The following CDH22 variants were observed in gnomAD, a reference collection of about 807,000 sequenced individuals.
CDH22 encodes cadherin-22.
CDH22 carries 30 observed loss-of-function variants against 58.4 expected under a neutral mutation model. That is an observed-to-expected ratio of 0.51 (90% CI 0.38 to 0.70). The LOEUF is 0.70. CDH22 is among the 30% of genes least tolerant of loss of function. CDH22 has a pLI of 0.00. For synonymous variants in CDH22, 513 were observed against 558.2 expected, an observed-to-expected ratio of 0.92 and a Z score of 1.14; for missense variants, 1,014 against 1,233.9, an observed-to-expected ratio of 0.82 and a Z score of 2.67.
intron 1 of CDH22, among the ~76,000 whole-genome samples, chr20:46,299,980 C>T (rs1032173095): frequency 6.6e-6 from 1 of 152,140 alleles, no homozygotes; most frequent in Non-Finnish European, 1.5e-5. Context: ...ACTCCCTTCT[C>T]TTCAAGCCAT....
chr20:46,224,585 C>T lies in CDH22; in HGVS notation c.670+2923G>A, dbSNP rs145978235. 1.1e-3 allele frequency among the ~76,000 whole-genome samples: 163 copies of T among 152,332 alleles called. 2 individuals carry two copies. Among genetic ancestry groups the T allele is most frequent in the African/African-American group, 3.8e-3 (159 of 41,586 alleles). On this transcript the variant is annotated intron_variant, in intron 4 of 11. Transcript: ENST00000537909. ...ATATGGTTAAAGCTGAATTTTTTAG[C>T]TCTGCATCAGATTCCAGGGCACATT...
intron 4 of CDH22, among the ~76,000 whole-genome samples, chr20:46,224,096 A>C (rs906478461): frequency 3.3e-5 from 5 of 152,024 alleles, no homozygotes; most frequent in Non-Finnish European, 5.9e-5. Flanking sequence ...CAAGTGATCC[A>C]CCCGCTTCGG....
At position 46,216,776 on chromosome 20, in the gene CDH22, G is replaced by C. The variant is rs755575941; in HGVS notation, c.838+50C>G. 4 of 1,550,958 alleles carry C rather than the reference G, an allele frequency of 2.6e-6. No individual in the cohort carries two copies. Among genetic ancestry groups the C allele is most frequent in the Non-Finnish European group, 3.5e-6 (4 of 1,130,058 alleles). On this transcript the variant is annotated intron_variant, in intron 5 of 11. Coordinates refer to ENST00000537909, the MANE Select transcript of CDH22 (RefSeq NM_021248.3). This position sits in a 1 kb window ranked among gnomAD's most constrained non-coding sequence, Gnocchi z 5.3. Reference sequence around the variant, plus strand: ...GGGGTCAGCAGGTGGCTTGGATGGGGTAACAGACAGACACACAGACGCGCC... The same window carrying C: ...GGGGTCAGCAGGTGGCTTGGATGGGCTAACAGACAGACACACAGACGCGCC...
At chr20:46,272,885 A>C (rs1017425938) in intron 1 of CDH22, among the ~76,000 whole-genome samples, 1 of 152,142 alleles carries the variant, frequency 6.6e-6, no homozygotes, top group Non-Finnish European at 1.5e-5. Context: ...CTTGAATTTT[A>C]TTTTAAGGAA....
intron 1 of CDH22, among the ~76,000 whole-genome samples, chr20:46,263,406 C>CTGTG (rs3081942): frequency 0.091 from 13,717 of 150,294 alleles, 819 homozygotes; most frequent in African/African-American, 0.17. Context: ...GCCTTCCATT[C>CTGTG]TGTGTGTGTG....
At chr20:46,277,339 C>T (rs776815670) in intron 1 of CDH22, among the ~76,000 whole-genome samples, 31 of 152,088 alleles carry the variant, frequency 2.0e-4, no homozygotes, top group Non-Finnish European at 3.7e-4. Context: ...TGGAGAGCAG[C>T]GGGCCAGGTT....
intron 3 of CDH22, among the ~76,000 whole-genome samples, chr20:46,236,874 A>G (rs2086257256): frequency 6.6e-6 from 1 of 151,908 alleles, no homozygotes; most frequent in Non-Finnish European, 1.5e-5. Flanking sequence ...TTCGTATTTT[A>G]GTAGAGACGG....
intron 1 of CDH22, among the ~76,000 whole-genome samples, chr20:46,257,629 A>G (rs2086412865): frequency 6.6e-6 from 1 of 152,188 alleles, no homozygotes; most frequent in African/African-American, 2.4e-5. Context: ...ATGTGTTACA[A>G]TCAGTTTTTG....
At chr20:46,258,506 A>G (rs1032071838) in intron 1 of CDH22, among the ~76,000 whole-genome samples, 5 of 152,186 alleles carry the variant, frequency 3.3e-5, no homozygotes, top group African/African-American at 1.2e-4. Flanking sequence ...GACGGAGCCA[A>G]CACCATTTGC....
At chr20:46,187,589 C>T (rs2085835676) in intron 8 of CDH22, among the ~76,000 whole-genome samples, 1 of 151,962 alleles carries the variant, frequency 6.6e-6, no homozygotes, top group South Asian at 2.1e-4. Flanking sequence ...ACCACCAACC[C>T]CATCACCATC....
At chr20:46,220,043 A>T (rs2086112656) in intron 4 of CDH22, 1 of 152,342 alleles carries the variant, frequency 6.6e-6, no homozygotes, top group Non-Finnish European at 1.5e-5. Context: ...GAAGAAAAGG[A>T]GTCCCAGGGA....
chr20:46,202,355 A>ATT (rs3082933), intron 7 of CDH22, among the ~76,000 whole-genome samples: 3,692 of 141,736 alleles, frequency 0.026, 71 homozygotes, highest in Admixed American at 0.037. Context: ...CCAGAGTTTA[A>ATT]TTTTTTTTTT....
At chr20:46,286,701 G>T (rs1277833075) in intron 1 of CDH22, among the ~76,000 whole-genome samples, 7 of 152,108 alleles carry the variant, frequency 4.6e-5, no homozygotes, top group African/African-American at 1.7e-4. Context: ...GAGGGGGTGG[G>T]TGCCAGCCTT....
chr20:46,303,306 C>T (rs2086660439), intron 1 of CDH22, among the ~76,000 whole-genome samples: 2 of 152,190 alleles, frequency 1.3e-5, no homozygotes, highest in African/African-American at 4.8e-5. Context: ...CCTCCCTACC[C>T]TCCTTTATCC....
intron 1 of CDH22, among the ~76,000 whole-genome samples, chr20:46,286,424 G>A (rs2086577199): frequency 6.6e-6 from 1 of 152,164 alleles, no homozygotes; most frequent in Non-Finnish European, 1.5e-5. Flanking sequence ...GGACCGACCA[G>A]GGCGCGTTAT....
intron 10 of CDH22, 99 bp from the exon 11 acceptor site, chr20:46,178,296 G>A (rs1200297317): frequency 7.4e-7 from 1 of 1,352,078 alleles, no homozygotes; most frequent in African/African-American, 1.4e-5. Context: ...GCCTCCCTAT[G>A]CCCCAAACTA....
chr20:46,224,201 A>G (rs994604558), intron 4 of CDH22, among the ~76,000 whole-genome samples: 6 of 151,988 alleles, frequency 3.9e-5, no homozygotes, highest in Non-Finnish European at 8.8e-5. Context: ...TCGTCCTCAC[A>G]CTCGTCACTG....
chr20:46,258,478 C>A (rs1359364543), intron 1 of CDH22, among the ~76,000 whole-genome samples: 1 of 152,150 alleles, frequency 6.6e-6, no homozygotes, highest in Non-Finnish European at 1.5e-5. Flanking sequence ...CAGACTCATC[C>A]CCATGTGCCC....
At chr20:46,208,657 C>T (rs1301975970) in intron 7 of CDH22, among the ~76,000 whole-genome samples, 1 of 152,132 alleles carries the variant, frequency 6.6e-6, no homozygotes, top group Non-Finnish European at 1.5e-5. Flanking sequence ...TGCAATGGTG[C>T]AATCTCGGCT....
Sources: gnomAD v4.1 joint callset for allele counts (sites outside exome capture counted in the v4.1 genomes callset) on GRCh38, gnomAD v4.1.1 for gene constraint, Gnocchi (gnomAD v3.1) non-coding constraint, MANE v1.5 for transcripts, NCBI Gene and HGNC (gene_info 2026-07-23, HGNC 2026-07-21) for gene names.